Variants in ODAD4 observed in about 807,000 individuals in gnomAD.
ODAD4 encodes outer dynein arm docking complex subunit 4.
ODAD4 carries 49 observed loss-of-function variants against 51.8 expected under a neutral mutation model. That is an observed-to-expected ratio of 0.95 (90% CI 0.75 to 1.20). The LOEUF (loss-of-function observed/expected upper bound fraction) is 1.20, where lower values mean the gene tolerates loss of function less well. Ranked by LOEUF, ODAD4 falls within the 50% of genes most tolerant of loss-of-function variation. ODAD4 has a pLI of 0.00. For synonymous variants in ODAD4, 235 were observed against 221.3 expected, an observed-to-expected ratio of 1.06 and a Z score of -0.55; for missense variants, 590 against 586.5, an observed-to-expected ratio of 1.01 and a Z score of -0.06.
rs2050884210 is a variant in ODAD4 at position 41,966,158 on chromosome 17, A to G, written c.*675A>G. Among the ~76,000 whole-genome samples the G allele has an allele frequency of 6.6e-6, 1 of 152,184 alleles. No homozygotes were observed. The highest frequency in any genetic ancestry group is 2.4e-5 in the African/African-American group (1 of 41,442). On this transcript the variant is annotated 3_prime_UTR_variant, in exon 12 of 12. Coordinates refer to ENST00000377540, the MANE Select transcript of ODAD4 (RefSeq NM_031421.5). ...CTTGGACAGGAAACTCAAAAATCCA[A>G]CGGAGCTCTCAGTGGTTTCACAGAG... is the stretch of plus-strand genomic sequence containing the variant.
At chr17:41,949,404 A>G in intron 9 of ODAD4, 55 bp downstream of exon 9, 1 of 398,320 alleles carries the variant, frequency 2.5e-6, no homozygotes, top group East Asian at 3.6e-5. Flanking sequence ...CCCAGCTCAC[A>G]CCAGGGCTAG....
At position 41,938,643 on chromosome 17, in the gene ODAD4, T is replaced by G. The variant is rs2144497584; in HGVS notation, c.712T>G (p.Phe238Val). ...GINYLDTHSN[F>V]WRQQKPIYAR... ...CAACTACCTGGATACTCACAGCAAC[T>G]TCTGGAGGCAGCAGAAGCCGATCTA... Residue 238 changes from phenylalanine (F) to valine (V), a missense_variant, in exon 6 of 12, where the codon TTC becomes GTC. This residue lies in a region of ODAD4 where 360 missense variants were observed against 407.5 expected (regional missense o/e 0.88). Coordinates refer to ENST00000377540, the MANE Select transcript of ODAD4 (RefSeq NM_031421.5). The G allele has an allele frequency of 1.2e-6, 2 of 1,613,842 alleles. No homozygotes were observed. Among genetic ancestry groups the G allele is most frequent in the East Asian group, 2.2e-5 (1 of 44,874 alleles).
chr17:41,945,921 G>A (rs2050579030), intron 8 of ODAD4, among the ~76,000 whole-genome samples: 1 of 152,064 alleles, frequency 6.6e-6, no homozygotes, highest in African/African-American at 2.4e-5. Flanking sequence ...CTTTAGGGCA[G>A]GAAAGAAAGG....
intron 7 of ODAD4, among the ~76,000 whole-genome samples, chr17:41,944,454 A>G (rs901157124): frequency 1.6e-5 from 2 of 126,974 alleles, no homozygotes; most frequent in Admixed American, 7.5e-5. Context: ...ACCCCCCCGC[A>G]TACACAGAAA....
Position 41,935,363 on chromosome 17 carries a change from G to C in ODAD4, c.246+15G>C, listed in dbSNP as rs78504838. On this transcript the variant is annotated intron_variant, in intron 2 of 11. Transcript: ENST00000377540. The stretch of plus-strand genomic sequence containing the variant: ...CTTTCTGTAAGGTGACTGCATGGGC[G>C]GGAGGACTGGATCCTGCCATTGCCT... The C allele has an allele frequency of 2.5e-5, 40 of 1,612,370 alleles. No individual in the cohort carries two copies. In the African/African-American group the frequency reaches 5.1e-4, roughly 20 times the overall value.
At chr17:41,938,436 T>C (rs2050456924) in intron 5 of ODAD4, 121 bp from the exon 6 acceptor site, 1 of 787,926 alleles carries the variant, frequency 1.3e-6, no homozygotes, top group East Asian at 2.5e-5. Flanking sequence ...CCTCTCTGTT[T>C]CAACAACTCC....
chr17:41,932,274 G>T (rs1463147375), intron 1 of ODAD4, among the ~76,000 whole-genome samples: 1 of 151,990 alleles, frequency 6.6e-6, no homozygotes, highest in Non-Finnish European at 1.5e-5. Context: ...TCTCCATGTT[G>T]GTCAGGTTGA....
intron 7 of ODAD4, among the ~76,000 whole-genome samples, chr17:41,943,582 A>G (rs958573175): frequency 1.3e-5 from 2 of 152,258 alleles, no homozygotes; most frequent in East Asian, 1.9e-4. Context: ...AGGGTGGAGC[A>G]GGAACAAATC....
chr17:41,934,709 C>T (rs1335880664), intron 1 of ODAD4, among the ~76,000 whole-genome samples: 1 of 152,148 alleles, frequency 6.6e-6, no homozygotes, highest in Non-Finnish European at 1.5e-5. Context: ...TGATTAGCTA[C>T]ATAAAAAGAG....
chr17:41,959,897 G>T (rs1344594253), intron 10 of ODAD4, among the ~76,000 whole-genome samples: 2 of 152,192 alleles, frequency 1.3e-5, no homozygotes, highest in Non-Finnish European at 2.9e-5. Context: ...CCCAGCAGGC[G>T]CAGTCTATCC....
Position 41,965,587 on chromosome 17 carries a change from G to C in ODAD4, c.*104G>C. The C allele has an allele frequency of 1.6e-5, 10 of 630,616 alleles. No individual in the cohort carries two copies. The South Asian group carries it at 1.8e-4, about 11-fold the overall frequency. The allele number at this position is 630,616 out of a possible 1,614,324, so 39.1% of individuals were successfully genotyped here. A position where few individuals can be genotyped will look rare whatever the true frequency, so the allele number is the denominator to read the frequency against. On this transcript the variant is annotated 3_prime_UTR_variant, in exon 12 of 12. Transcript: ENST00000377540. ...ATTTGTCTGTTATAGGAAAAATGAG[G>C]GTTTTACTTCTGCTGCTTTCCATCA...
chr17:41,930,702 A>T lies in ODAD4; in HGVS notation c.-22A>T. ...GCTTTTCTTTGATTGTCTCTGCTTT[A>T]GCGTCTCTAAATCCGGTCACCATGT... On this transcript the variant is annotated 5_prime_UTR_variant, in exon 1 of 12. Coordinates refer to ENST00000377540, the MANE Select transcript of ODAD4 (RefSeq NM_031421.5). 1.4e-6 allele frequency: 2 copies of T among 1,477,662 alleles called. No homozygotes were observed. Among genetic ancestry groups the T allele is most frequent in the Non-Finnish European group, 1.9e-6 (2 of 1,064,352 alleles). The allele number at this position is 1,477,662 out of a possible 1,614,324, so 91.5% of individuals were successfully genotyped here.
At chr17:41,946,887 GT>G (rs1472128062) in intron 8 of ODAD4, among the ~76,000 whole-genome samples, 1 of 150,164 alleles carries the variant, frequency 6.7e-6, no homozygotes, top group East Asian at 2.0e-4. Flanking sequence ...GTCTCGCTCT[GT>G]CCCCCACGCT....
chr17:41,938,218 C>T (rs1167670070), intron 5 of ODAD4, among the ~76,000 whole-genome samples: 2 of 152,182 alleles, frequency 1.3e-5, no homozygotes, highest in African/African-American at 4.8e-5. Flanking sequence ...TGGGCCAGAT[C>T]GTGCATTTAG....
intron 9 of ODAD4, chr17:41,952,632 G>A: frequency 2.0e-6 from 1 of 510,570 alleles, no homozygotes; most frequent in Non-Finnish European, 3.9e-6. Flanking sequence ...TGACTCTTCT[G>A]CAGACCTTTA....
intron 7 of ODAD4, 65 bp from the exon 8 acceptor site, chr17:41,945,071 C>T: frequency 7.5e-7 from 1 of 1,335,690 alleles, no homozygotes; most frequent in Non-Finnish European, 1.1e-6. Context: ...GCCTTCTTTC[C>T]TATTTCCACA....
chr17:41,946,256 A>C (rs2050584243), intron 8 of ODAD4, among the ~76,000 whole-genome samples: 1 of 152,232 alleles, frequency 6.6e-6, no homozygotes, highest in Non-Finnish European at 1.5e-5. Flanking sequence ...TTAACACTTT[A>C]GTGCGACAGG....
chr17:41,964,801 C>G lies in ODAD4; in HGVS notation c.1529-192C>G, dbSNP rs8080979. ...GGGACTACAGGCGCCAACCACCACGCCTGGCTAATTTTTGTATTTTTAGTA... is the reference window on the plus strand; with the variant it reads ...GGGACTACAGGCGCCAACCACCACGGCTGGCTAATTTTTGTATTTTTAGTA... On this transcript the variant is annotated intron_variant, in intron 11 of 11. Transcript: ENST00000377540. Among the ~76,000 whole-genome samples the G allele has an allele frequency of 0.052, 7,973 of 152,034 alleles. 240 individuals carry two copies. Among genetic ancestry groups the G allele is most frequent in the East Asian group, 0.11 (561 of 5,162 alleles).
intron 9 of ODAD4, among the ~76,000 whole-genome samples, chr17:41,950,001 A>T (rs2144519174): frequency 6.7e-6 from 1 of 150,108 alleles, no homozygotes; most frequent in South Asian, 2.1e-4. Context: ...ACGAAGTCTC[A>T]CTATGTTACC....
Sources: gnomAD v4.1 joint callset for allele counts (sites outside exome capture counted in the v4.1 genomes callset) on GRCh38, gnomAD v4.1.1 for gene constraint, gnomAD v4.1.1 regional missense constraint, MANE v1.5 for transcripts, NCBI Gene and HGNC (gene_info 2026-07-23, HGNC 2026-07-21) for gene names.